Variants in SND1 observed in about 807,000 individuals in gnomAD.
The protein encoded by SND1 is staphylococcal nuclease domain-containing protein 1.
A neutral mutation model predicts 121.7 loss-of-function variants in SND1; 38 were observed. That is an observed-to-expected ratio of 0.31 (90% confidence interval 0.24 to 0.41). The LOEUF is 0.41. SND1 is among the 10% of genes least tolerant of loss of function. The pLI, the probability that SND1 is intolerant of heterozygous loss-of-function variation, is 1.00. For missense variants in SND1, 868 were observed against 1,184.6 expected (o/e 0.73, Z 3.92); for synonymous variants, 401 against 447.4 (o/e 0.90, Z 1.31).
chr7:127,814,354 C>T (rs1219612850), intron 11 of SND1, among the ~76,000 whole-genome samples: 3 of 152,066 alleles, frequency 2.0e-5, no homozygotes, highest in Non-Finnish European at 4.4e-5. Flanking sequence ...TGCCAAAAAA[C>T]CCTATAAAAT....
intron 10 of SND1, among the ~76,000 whole-genome samples, chr7:127,778,712 G>A (rs901009608): frequency 6.6e-6 from 1 of 152,114 alleles, no homozygotes; most frequent in African/African-American, 2.4e-5. Flanking sequence ...TATGAAATGG[G>A]TCTCACATAG....
intron 12 of SND1, among the ~76,000 whole-genome samples, chr7:127,882,790 A>G (rs566908056): frequency 6.6e-6 from 1 of 152,172 alleles, no homozygotes; most frequent in Admixed American, 6.5e-5. Context: ...AGAGAACATT[A>G]AATTGTGTGC....
At chr7:127,663,998 T>G (rs1227828759) in intron 1 of SND1, among the ~76,000 whole-genome samples, 1 of 152,242 alleles carries the variant, frequency 6.6e-6, no homozygotes, top group Non-Finnish European at 1.5e-5. Context: ...GTCGTGGTCT[T>G]CTTGGCACAG....
At chr7:127,665,260 T>C (rs552165990) in intron 1 of SND1, among the ~76,000 whole-genome samples, 23 of 152,076 alleles carry the variant, frequency 1.5e-4, no homozygotes, top group Admixed American at 7.2e-4. Context: ...AATCTTGGCT[T>C]ACTGCAAGCT....
intron 16 of SND1, among the ~76,000 whole-genome samples, chr7:128,011,299 G>A (rs1267484235): frequency 6.6e-6 from 1 of 152,218 alleles, no homozygotes; most frequent in Non-Finnish European, 1.5e-5. Context: ...GAGCTGCCCA[G>A]GCAGCTGGTA....
At chr7:128,039,969 C>T (rs905922270) in intron 16 of SND1, among the ~76,000 whole-genome samples, 6 of 152,134 alleles carry the variant, frequency 3.9e-5, no homozygotes, top group Non-Finnish European at 7.3e-5. Flanking sequence ...GCACAGTCGG[C>T]GGGTACCTGC....
chr7:127,732,735 C>A (rs1432670208), intron 10 of SND1, among the ~76,000 whole-genome samples: 1 of 152,218 alleles, frequency 6.6e-6, no homozygotes, highest in Non-Finnish European at 1.5e-5. Flanking sequence ...GACCAATATT[C>A]TTCTGCTCCT....
intron 10 of SND1, among the ~76,000 whole-genome samples, chr7:127,751,239 G>A (rs1258572618): frequency 6.6e-6 from 1 of 152,144 alleles, no homozygotes; most frequent in Non-Finnish European, 1.5e-5. Context: ...TGCAGGTTGT[G>A]GATGACCAGA....
Position 128,015,435 on chromosome 7 carries a change from C to T in SND1, c.1779+24379C>T, listed in dbSNP as rs1473489880. Among the ~76,000 whole-genome samples, 1 of 151,050 alleles carries T rather than the reference C, an allele frequency of 6.6e-6. No individual in the cohort carries two copies. The highest frequency in any genetic ancestry group is 1.9e-4 in the East Asian group (1 of 5,198). ...TGGCCTTAATCCCACCCACTTTGCT[C>T]CCTAAGTATTTATAGGAGCTGAGAG... On this transcript the variant is annotated intron_variant, in intron 16 of 23. Coordinates refer to ENST00000354725, the MANE Select transcript of SND1 (RefSeq NM_014390.4). This position sits in a 1 kb window ranked among gnomAD's most constrained non-coding sequence, Gnocchi z 4.5.
At chr7:127,878,981 C>T (rs1485951720) in intron 12 of SND1, among the ~76,000 whole-genome samples, 2 of 152,026 alleles carry the variant, frequency 1.3e-5, no homozygotes, top group Admixed American at 1.3e-4. Context: ...GATCCAGATT[C>T]ACAGGAATTC....
At chr7:127,707,531 A>C in intron 8 of SND1, 26 bp from the exon 9 acceptor site, 1 of 1,603,570 alleles carries the variant, frequency 6.2e-7, no homozygotes, top group Non-Finnish European at 8.5e-7. Context: ...AGTCTGAATG[A>C]TCTTGCATCC....
intron 16 of SND1, among the ~76,000 whole-genome samples, chr7:128,067,556 G>T (rs371421751): frequency 1.3e-5 from 2 of 152,232 alleles, no homozygotes; most frequent in African/African-American, 4.8e-5. Context: ...CCTGTGCTGG[G>T]CTCTTTTCTA....
At chr7:127,870,181 G>C (rs1286007286) in intron 12 of SND1, among the ~76,000 whole-genome samples, 1 of 152,136 alleles carries the variant, frequency 6.6e-6, no homozygotes, top group African/African-American at 2.4e-5. Context: ...ATTTTTTGGT[G>C]AGAGGACTGT....
chr7:127,658,677 A>G lies in SND1; in HGVS notation c.78+6226A>G, dbSNP rs189693282. On this transcript the variant is annotated intron_variant, in intron 1 of 23. Coordinates refer to ENST00000354725, the MANE Select transcript of SND1 (RefSeq NM_014390.4). ...AGGGGATCAAAACTAATTATCAGGT[A>G]AGAACTCGCTTACGCATCCTGTGGC... Among the ~76,000 whole-genome samples, 455 of 152,366 alleles carry G rather than the reference A, an allele frequency of 3.0e-3. 4 individuals are homozygous for G. The highest frequency in any genetic ancestry group is 5.2e-3 in the Non-Finnish European group (351 of 68,036).
intron 14 of SND1, among the ~76,000 whole-genome samples, chr7:127,916,317 G>A (rs2116790217): frequency 6.6e-6 from 1 of 152,260 alleles, no homozygotes; most frequent in South Asian, 2.1e-4. Context: ...GTGAAATCAA[G>A]TGTCATGCAT....
At chr7:128,047,939 C>T (rs529890366) in intron 16 of SND1, among the ~76,000 whole-genome samples, 19 of 150,616 alleles carry the variant, frequency 1.3e-4, no homozygotes, top group Admixed American at 9.2e-4. Flanking sequence ...CCTCGGCCTC[C>T]CGGGTTCAAA....
chr7:127,929,417 GC>G lies in SND1; in HGVS notation c.1669+91del, dbSNP rs1800915386. 3.9e-6 allele frequency: 5 copies of G among 1,287,386 alleles called. No individual in the cohort carries two copies. In the Admixed American group the frequency reaches 9.2e-5, roughly 24 times the overall value. 79.7% of individuals were successfully genotyped at this position (1,287,386 alleles called of 1,614,324 possible). On this transcript the variant is annotated intron_variant, in intron 15 of 23. Coordinates refer to ENST00000354725, the MANE Select transcript of SND1 (RefSeq NM_014390.4). Reference sequence around the variant, plus strand: ...TCCTTTCCCCCTGTGTTCTAGATAGGCCCTAGAGCCCACCAGCATGCTCTTC... The same window carrying G: ...TCCTTTCCCCCTGTGTTCTAGATAGGCCTAGAGCCCACCAGCATGCTCTTC...
intron 14 of SND1, among the ~76,000 whole-genome samples, chr7:127,910,109 G>A (rs1044222330): frequency 5.3e-5 from 8 of 151,962 alleles, no homozygotes; most frequent in African/African-American, 1.7e-4. Flanking sequence ...CTTGATGGAA[G>A]CATAAGAAAA....
At chr7:127,700,438 A>C (rs1308946543) in intron 4 of SND1, among the ~76,000 whole-genome samples, 1 of 152,170 alleles carries the variant, frequency 6.6e-6, no homozygotes, top group East Asian at 1.9e-4. Context: ...CAGTTTATGC[A>C]TACAGCCGTT....
Sources: gnomAD v4.1 joint callset for allele counts (sites outside exome capture counted in the v4.1 genomes callset) on GRCh38, gnomAD v4.1.1 for gene constraint, Gnocchi (gnomAD v3.1) non-coding constraint, MANE v1.5 for transcripts, NCBI Gene and HGNC (gene_info 2026-07-23, HGNC 2026-07-21) for gene names.